Variants in ACAA2 observed in about 807,000 individuals in gnomAD.
ACAA2 encodes the protein acetyl-CoA acyltransferase 2, also known as 3-ketoacyl-CoA thiolase, mitochondrial.
In ACAA2, 35 loss-of-function variants were observed where a neutral mutation model predicts 44.8. The ratio of observed to expected loss-of-function variants is 0.78; its 90% CI spans 0.60 to 1.04. The LOEUF is 1.04. ACAA2 is among the 50% of genes least tolerant of loss of function. The pLI is 0.00. For missense variants in ACAA2, 468 were observed against 482.6 expected, an observed-to-expected ratio of 0.97 and a Z score of 0.28; for synonymous variants, 142 against 166.5, an observed-to-expected ratio of 0.85 and a Z score of 1.13.
At chr18:49,789,246 G>A (rs644897) in intron 7 of ACAA2, among the ~76,000 whole-genome samples, 93,447 of 151,962 alleles carry the variant, frequency 0.61, 28,903 homozygotes, top group Middle Eastern at 0.76. Context: ...AGGTAATCAT[G>A]GAACTGAGAA....
chr18:49,799,432 G>C (rs1163095006), intron 2 of ACAA2, among the ~76,000 whole-genome samples: 1 of 152,184 alleles, frequency 6.6e-6, no homozygotes, highest in Non-Finnish European at 1.5e-5. Context: ...GGCCTGGCTG[G>C]TCTCCAGCTC....
chr18:49,813,526 G>T lies in ACAA2; in HGVS notation c.-42C>A. On this transcript the variant is annotated 5_prime_UTR_variant, in exon 1 of 10. Coordinates refer to ENST00000285093, the MANE Select transcript of ACAA2 (RefSeq NM_006111.3). ...TCGGCGGCGCGGGTCTGTGGTGTGG[G>T]GGACGCTGAGCGGCCGCTCGCAATC... 1 of 1,237,684 alleles carries T rather than the reference G, an allele frequency of 8.1e-7. No homozygotes were observed. 76.7% of individuals were successfully genotyped at this position (1,237,684 alleles called of 1,614,324 possible).
At chr18:49,801,120 T>C (rs1270847193) in intron 2 of ACAA2, among the ~76,000 whole-genome samples, 1 of 152,228 alleles carries the variant, frequency 6.6e-6, no homozygotes, top group African/African-American at 2.4e-5. Flanking sequence ...CCAAGTGATA[T>C]TTAATAATAT....
chr18:49,794,752 T>G (rs757965905), intron 4 of ACAA2, among the ~76,000 whole-genome samples: 3 of 152,232 alleles, frequency 2.0e-5, no homozygotes, highest in Admixed American at 6.5e-5. Flanking sequence ...GGTCATATTT[T>G]GTAGAAAACC....
chr18:49,802,878 A>G lies in ACAA2; in HGVS notation c.17-25T>C, dbSNP rs1478652223. 1.9e-6 allele frequency: 3 copies of G among 1,613,748 alleles called. No homozygotes were observed. The South Asian group carries it at 3.3e-5, about 18-fold the overall frequency. On this transcript the variant is annotated intron_variant, in intron 1 of 9. Coordinates refer to ENST00000285093, the MANE Select transcript of ACAA2 (RefSeq NM_006111.3). ...CCTATTGCAACAAGAAGAGATTTGT[A>G]AGCCATCACAGGTTAGTAAATACCT...
intron 1 of ACAA2, among the ~76,000 whole-genome samples, chr18:49,809,170 T>C (rs763658703): frequency 4.3e-4 from 66 of 152,170 alleles, no homozygotes; most frequent in Non-Finnish European, 7.6e-4. Flanking sequence ...CCGCAGGCAG[T>C]AAAGACCTTA....
intron 5 of ACAA2, 113 bp from the exon 6 acceptor site, chr18:49,792,440 ATATTGAGTCTTTAT>A (rs1420273655): frequency 3.1e-6 from 3 of 974,832 alleles, no homozygotes; most frequent in Non-Finnish European, 4.4e-6. Context: ...GTCTACTTTA[ATATTGAGTCTTTAT>A]TAATTTTTGA....
chr18:49,796,065 T>C (rs1486170675), intron 3 of ACAA2, among the ~76,000 whole-genome samples, 184 bp from the exon 4 acceptor site: 3 of 152,168 alleles, frequency 2.0e-5, no homozygotes, highest in Non-Finnish European at 2.9e-5. Context: ...ATTACCAAGA[T>C]GTAGGAGGAG....
chr18:49,802,737 T>C lies in ACAA2; in HGVS notation c.133A>G (p.Lys45Glu), dbSNP rs1290478737. The C allele has an allele frequency of 3.1e-6, 5 of 1,614,038 alleles. No homozygotes were observed. Among genetic ancestry groups the C allele is most frequent in the Non-Finnish European group, 4.2e-6 (5 of 1,180,034 alleles). ...CTGTCAACTGTTTCAGGTGAGACTTTGCCAGCAGACAAGGCAGCCTTGGCA... is the reference window on the plus strand; with the variant it reads ...CTGTCAACTGTTTCAGGTGAGACTTCGCCAGCAGACAAGGCAGCCTTGGCA... ...FAAKAALSAG[K>E]VSPETVDSVI... Residue 45 changes from lysine to glutamate, a missense_variant, in exon 2 of 10, where the codon AAA (lysine) becomes GAA (glutamate). Physicochemically the swap from Lys to Glu is moderately conservative, Grantham distance 56. Transcript: ENST00000285093.
chr18:49,783,914 T>C lies in ACAA2; in HGVS notation c.1127A>G (p.Tyr376Cys), dbSNP rs373663332. 23 of 1,613,966 alleles carry C rather than the reference T, an allele frequency of 1.4e-5. No homozygotes were observed. In the African/African-American group the frequency reaches 2.1e-4, roughly 15 times the overall value. ...TCCAATGCAAGCTGATCCAACGGCA[T>C]ATTTTCCACCTCGACGCCTGAAAAA... is the stretch of plus-strand genomic sequence containing the variant. ...VHELRRRGGKYAVGSACIGGG... is the reference protein window; with the variant it reads ...VHELRRRGGKCAVGSACIGGG... The change falls in exon 10 of 10, where the codon TAT (tyrosine) becomes TGT (cysteine). Residue 376 changes from tyrosine to cysteine, a missense_variant. Physicochemically the swap from Tyr to Cys is radical, Grantham distance 194. Coordinates refer to ENST00000285093, the MANE Select transcript of ACAA2 (RefSeq NM_006111.3).
chr18:49,797,014 C>G (rs1350588952), intron 3 of ACAA2, among the ~76,000 whole-genome samples: 1 of 151,926 alleles, frequency 6.6e-6, no homozygotes. Context: ...TTTAAGTATA[C>G]AGCTCAGTAG....
chr18:49,784,789 C>T (rs1396278806), intron 9 of ACAA2, among the ~76,000 whole-genome samples: 1 of 152,156 alleles, frequency 6.6e-6, no homozygotes, highest in African/African-American at 2.4e-5. Context: ...TGTCAGTTTG[C>T]TTAGATTTCA....
At chr18:49,793,646 T>A (rs1002721877) in intron 5 of ACAA2, among the ~76,000 whole-genome samples, 4 of 152,260 alleles carry the variant, frequency 2.6e-5, no homozygotes, top group African/African-American at 9.6e-5. Flanking sequence ...AGTTTCCACT[T>A]GCTTTAACAG....
At chr18:49,785,472 A>T in intron 8 of ACAA2, 121 bp from the exon 9 acceptor site, 1 of 919,240 alleles carries the variant, frequency 1.1e-6, no homozygotes, top group Non-Finnish European at 1.7e-6. Flanking sequence ...ATTACCTCGC[A>T]AAGTTATTTT....
Position 49,792,157 on chromosome 18 carries a change from C to A in ACAA2, c.748G>T (p.Ala250Ser). The change falls in exon 6 of 10, where the codon GCA (alanine) becomes TCA (serine). Residue 250 changes from alanine to serine, a missense_variant. By Grantham distance (99) the Ala-to-Ser change is moderately conservative. Coordinates refer to ENST00000285093, the MANE Select transcript of ACAA2 (RefSeq NM_006111.3). ...KKDGTVTAGNASGVADGAGAV... is the reference protein window; with the variant it reads ...KKDGTVTAGNSSGVADGAGAV... ...ATCTGTGTGGTGATACCAACCGATG[C>A]ATTCCCTGCAGTAACAGTTCCATCT... 6.2e-7 allele frequency: 1 copy of A among 1,612,684 alleles called. No homozygotes were observed. The highest frequency in any genetic ancestry group is 8.5e-7 in the Non-Finnish European group (1 of 1,179,108).
chr18:49,792,746 T>G (rs1445284284), intron 5 of ACAA2, among the ~76,000 whole-genome samples: 1 of 152,130 alleles, frequency 6.6e-6, no homozygotes, highest in Admixed American at 6.5e-5. Flanking sequence ...ACGCTCAGCC[T>G]GAGTCTTTAC....
chr18:49,794,473 T>C (rs777911472), intron 4 of ACAA2, 46 bp from the exon 5 acceptor site: 2 of 1,398,682 alleles, frequency 1.4e-6, no homozygotes, highest in Non-Finnish European at 1.9e-6. Flanking sequence ...CATTTCCTTT[T>C]AAAAGTAATA....
chr18:49,787,271 A>AACAAAC lies in ACAA2; in HGVS notation c.954+19_954+20insGTTTGT. The AACAAAC allele has an allele frequency of 7.5e-7, 1 of 1,334,068 alleles. No homozygotes were observed. The allele number at this position is 1,334,068 out of a possible 1,614,324, so 82.6% of individuals were successfully genotyped here. On this transcript the variant is annotated intron_variant, in intron 8 of 9. Coordinates refer to ENST00000285093, the MANE Select transcript of ACAA2 (RefSeq NM_006111.3). Reference sequence around the variant, plus strand: ...TTTATTCATGTTGTTAAAAAAAAAAAAAAAAAAAAAAACACTTACCTCTAC... The same window carrying AACAAAC: ...TTTATTCATGTTGTTAAAAAAAAAAAACAAACAAAAAAAAAAAACACTTACCTCTAC...
chr18:49,791,794 A>G (rs1312716908), intron 6 of ACAA2, among the ~76,000 whole-genome samples, 195 bp from the exon 7 acceptor site: 1 of 152,204 alleles, frequency 6.6e-6, no homozygotes, highest in African/African-American at 2.4e-5. Context: ...TTTACTAAAG[A>G]ACAAGGAAAA....
Sources: allele counts gnomAD v4.1 joint callset (sites outside exome capture counted in the v4.1 genomes callset), GRCh38; gene constraint gnomAD v4.1.1; transcripts MANE v1.5; gene names NCBI Gene and HGNC (gene_info 2026-07-23, HGNC 2026-07-21).